Variants in OTUD7A observed in about 807,000 individuals in gnomAD.
The protein encoded by OTUD7A is OTU domain-containing protein 7A.
OTUD7A carries 12 observed loss-of-function variants against 65.7 expected under a neutral mutation model. That is an observed-to-expected ratio of 0.18 (90% CI 0.12 to 0.30). OTUD7A has a LOEUF of 0.30. Ranked by LOEUF, OTUD7A falls within the 10% of genes least tolerant of loss-of-function variation. The pLI, the probability that OTUD7A is intolerant of heterozygous loss-of-function variation, is 1.00. For synonymous variants in OTUD7A, 641 were observed against 586.3 expected (o/e 1.09, Z -1.35); for missense variants, 1,148 against 1,304.8 (o/e 0.88, Z 1.85).
chr15:31,558,544 A>C (rs1389460576), intron 5 of OTUD7A: 2 of 194,726 alleles, frequency 1.0e-5, no homozygotes, highest in Non-Finnish European at 1.1e-5. Flanking sequence ...AGATGGAGAA[A>C]CTGAGGCTGA....
At chr15:31,732,063 T>A (rs549455009) in intron 1 of OTUD7A, among the ~76,000 whole-genome samples, 2 of 152,296 alleles carry the variant, frequency 1.3e-5, no homozygotes, top group Admixed American at 6.5e-5. Flanking sequence ...CTCTCCTCTG[T>A]CTTCCCTGGA....
intron 1 of OTUD7A, among the ~76,000 whole-genome samples, chr15:31,788,792 A>G (rs1331343303): frequency 1.3e-5 from 2 of 152,230 alleles, no homozygotes; most frequent in Non-Finnish European, 2.9e-5. Flanking sequence ...TATCCACAGC[A>G]TACAGTAGAT....
At chr15:31,527,750 C>T (rs1420175329) in intron 6 of OTUD7A, among the ~76,000 whole-genome samples, 1 of 152,208 alleles carries the variant, frequency 6.6e-6, no homozygotes, top group African/African-American at 2.4e-5. Context: ...CTGCCATTTC[C>T]CTCCTCTCCA....
intron 1 of OTUD7A, among the ~76,000 whole-genome samples, chr15:31,742,774 T>C: frequency 6.6e-6 from 1 of 152,058 alleles, no homozygotes; most frequent in East Asian, 1.9e-4. Context: ...GAAAAGGGGT[T>C]AAAAATATAT....
At chr15:31,532,230 TA>T in intron 5 of OTUD7A, among the ~76,000 whole-genome samples, 1 of 152,298 alleles carries the variant, frequency 6.6e-6, no homozygotes, top group East Asian at 1.9e-4. Flanking sequence ...GACTGGGATT[TA>T]AAAGTAGTCA....
At chr15:31,512,152 G>A (rs963950056) in intron 8 of OTUD7A, among the ~76,000 whole-genome samples, 3 of 152,008 alleles carry the variant, frequency 2.0e-5, no homozygotes, top group East Asian at 1.9e-4. Context: ...ATACTTTACC[G>A]GTGTTTTTTC....
At position 31,644,667 on chromosome 15, in the gene OTUD7A, A is replaced by G. The variant is rs1381163065; in HGVS notation, c.151+10429T>C. 2.6e-5 allele frequency among the ~76,000 whole-genome samples: 4 copies of G among 152,098 alleles called. No homozygotes were observed. In the East Asian group the frequency reaches 5.8e-4, roughly 22 times the overall value. ...ATTTTTAGAAGATTTTTGTAGAGAC[A>G]GAGGTCTTGCTATGTTGTTCAGGCT... On this transcript the variant is annotated intron_variant, in intron 3 of 12. Coordinates refer to ENST00000307050, the MANE Select transcript of OTUD7A (RefSeq NM_001382637.1).
intron 7 of OTUD7A, 74 bp downstream of exon 7, chr15:31,527,107 C>A: frequency 6.3e-7 from 1 of 1,585,236 alleles, no homozygotes. Flanking sequence ...GGAGGCCATG[C>A]TGTGGACTCG....
chr15:31,499,824 G>A (rs1016854332), intron 10 of OTUD7A, among the ~76,000 whole-genome samples: 1 of 152,228 alleles, frequency 6.6e-6, no homozygotes. Context: ...GGTGCACTGG[G>A]ACCAGATCCC....
At position 31,864,904 on chromosome 15, in the gene OTUD7A, T is replaced by C. The variant is rs368851200; in HGVS notation, c.-100+5603A>G. 1.9e-4 allele frequency among the ~76,000 whole-genome samples: 29 copies of C among 152,238 alleles called. 1 individual carries two copies. The highest frequency in any genetic ancestry group is 1.2e-3 in the Admixed American group (19 of 15,296). On this transcript the variant is annotated intron_variant, in intron 1 of 12. Transcript: ENST00000307050. ...CTGATGGTAAGTGAGACAAATACTG[T>C]CTCCAGTTCCTTTTATTGAACAACT...
intron 1 of OTUD7A, among the ~76,000 whole-genome samples, chr15:31,865,918 A>T (rs1897864583): frequency 1.3e-5 from 2 of 152,222 alleles, no homozygotes; most frequent in South Asian, 4.1e-4. Flanking sequence ...CATCTTACTC[A>T]TGTGTATTCA....
intron 8 of OTUD7A, among the ~76,000 whole-genome samples, chr15:31,509,674 T>C (rs1415440850): frequency 6.6e-6 from 1 of 152,070 alleles, no homozygotes; most frequent in Non-Finnish European, 1.5e-5. Context: ...AAGTATATAT[T>C]TTTACATATT....
intron 1 of OTUD7A, among the ~76,000 whole-genome samples, chr15:31,753,685 A>ATATATATATATAT (rs1567004737): frequency 2.4e-5 from 2 of 83,748 alleles, no homozygotes; most frequent in African/African-American, 8.9e-5. Context: ...ATAACCTGTG[A>ATATATATATATAT]GATATATATA....
intron 1 of OTUD7A, among the ~76,000 whole-genome samples, chr15:31,796,939 G>A (rs993687500): frequency 6.6e-6 from 1 of 152,206 alleles, no homozygotes; most frequent in Non-Finnish European, 1.5e-5. Flanking sequence ...TCACCATGTT[G>A]GCCAGGCTGG....
At chr15:31,546,434 C>T (rs1888132568) in intron 5 of OTUD7A, among the ~76,000 whole-genome samples, 1 of 152,168 alleles carries the variant, frequency 6.6e-6, no homozygotes, top group Non-Finnish European at 1.5e-5. Context: ...AAGGGTGGGG[C>T]CCTGATCTCC....
intron 1 of OTUD7A, among the ~76,000 whole-genome samples, chr15:31,719,390 T>G (rs568630448): frequency 1.3e-5 from 2 of 151,994 alleles, no homozygotes; most frequent in African/African-American, 4.8e-5. Flanking sequence ...CAAATCAAAC[T>G]CTCCTGTAAT....
chr15:31,570,030 C>T lies in OTUD7A; in HGVS notation c.319G>A (p.Asp107Asn), dbSNP rs369309742. 2.5e-6 allele frequency: 4 copies of T among 1,613,942 alleles called. No homozygotes were observed. Among genetic ancestry groups the T allele is most frequent in the African/African-American group, 2.7e-5 (2 of 74,944 alleles). ...VERPCLQRQD[D>N]IAQEKRLSRG... ...CCCTCAGCGGTACCTTGGGCAATGTCGTCCTGCCTCTGCAGGCAGGGTCGC... is the reference window on the plus strand; with the variant it reads ...CCCTCAGCGGTACCTTGGGCAATGTTGTCCTGCCTCTGCAGGCAGGGTCGC... Residue 107 changes from aspartate (D) to asparagine (N), a missense_variant, in exon 4 of 13, where the codon GAC becomes AAC. By Grantham distance (23) the Asp-to-Asn change is conservative. This residue lies in a region of OTUD7A where 134 missense variants were observed against 252.6 expected (regional missense o/e 0.53). Coordinates refer to ENST00000307050, the MANE Select transcript of OTUD7A (RefSeq NM_001382637.1).
intron 1 of OTUD7A, among the ~76,000 whole-genome samples, chr15:31,719,179 C>A (rs908156811): frequency 2.0e-5 from 3 of 152,220 alleles, no homozygotes; most frequent in Non-Finnish European, 4.4e-5. Context: ...TGAACTCCTG[C>A]ACTCAAGCGA....
intron 5 of OTUD7A, among the ~76,000 whole-genome samples, chr15:31,554,388 T>A (rs1888424189): frequency 6.6e-6 from 1 of 152,140 alleles, no homozygotes; most frequent in East Asian, 1.9e-4. Flanking sequence ...TGGCCGCCGT[T>A]ACACATCTCT....
Sources: allele counts gnomAD v4.1 joint callset (sites outside exome capture counted in the v4.1 genomes callset), GRCh38; gene constraint gnomAD v4.1.1; regional missense constraint gnomAD v4.1.1; transcripts MANE v1.5; gene names NCBI Gene and HGNC (gene_info 2026-07-23, HGNC 2026-07-21).